Variants in MAPRE2 observed in about 807,000 individuals in gnomAD.
The protein encoded by MAPRE2 is microtubule associated protein RP/EB family member 2, also known as microtubule-associated protein RP/EB family member 2.
In MAPRE2, 13 loss-of-function variants were observed where a neutral mutation model predicts 43.2. The ratio of observed to expected loss-of-function variants is 0.30; its 90% CI spans 0.20 to 0.48. The LOEUF (loss-of-function observed/expected upper bound fraction) is 0.48, where lower values mean the gene tolerates loss of function less well. Ranked by LOEUF, MAPRE2 falls within the 20% of genes least tolerant of loss-of-function variation. The probability of loss-of-function intolerance (pLI) is 0.99; values close to 1 mark genes in which losing one functional copy is unlikely to be tolerated. For missense variants in MAPRE2, 161 were observed against 400.2 expected, an observed-to-expected ratio of 0.40 and a Z score of 5.10; for synonymous variants, 135 against 148.8, an observed-to-expected ratio of 0.91 and a Z score of 0.68.
chr18:35,069,585 A>G (rs1907007653), intron 1 of MAPRE2, among the ~76,000 whole-genome samples: 1 of 152,148 alleles, frequency 6.6e-6, no homozygotes, highest in East Asian at 1.9e-4. Flanking sequence ...CTGGTTTGTT[A>G]TTCTCTTCTC....
At chr18:34,988,401 C>T (rs1029210622) in intron 1 of MAPRE2, among the ~76,000 whole-genome samples, 1 of 152,154 alleles carries the variant, frequency 6.6e-6, no homozygotes, top group Non-Finnish European at 1.5e-5. Flanking sequence ...GGTTCTGCTG[C>T]TAACTGGGTG....
At chr18:35,031,100 G>A (rs1358220443) in intron 2 of MAPRE2, among the ~76,000 whole-genome samples, 4 of 152,092 alleles carry the variant, frequency 2.6e-5, no homozygotes, top group African/African-American at 9.7e-5. Context: ...TGTCTCTATA[G>A]CATTTGCCAC....
intron 2 of MAPRE2, among the ~76,000 whole-genome samples, chr18:35,084,275 A>G (rs1907769927): frequency 6.6e-6 from 1 of 151,972 alleles, no homozygotes; most frequent in Non-Finnish European, 1.5e-5. Context: ...CTCCATCTCA[A>G]AAAAAAATAA....
At chr18:34,991,427 T>C (rs1337958195) in intron 1 of MAPRE2, among the ~76,000 whole-genome samples, 2 of 152,188 alleles carry the variant, frequency 1.3e-5, no homozygotes, top group East Asian at 3.8e-4. Context: ...CCTACAGAAC[T>C]ATTATTTGCC....
chr18:35,105,593 T>C (rs1455730426), intron 4 of MAPRE2, among the ~76,000 whole-genome samples: 1 of 152,114 alleles, frequency 6.6e-6, no homozygotes, highest in Non-Finnish European at 1.5e-5. Flanking sequence ...TGCTATAAAA[T>C]GTATGCACCT....
chr18:35,110,650 G>T (rs769843909), intron 4 of MAPRE2, among the ~76,000 whole-genome samples: 1 of 152,068 alleles, frequency 6.6e-6, no homozygotes, highest in Non-Finnish European at 1.5e-5. Context: ...AATTATTTTA[G>T]ATTTTCTTTT....
intron 1 of MAPRE2, 121 bp downstream of exon 1, chr18:35,041,782 G>T: frequency 6.5e-7 from 1 of 1,535,836 alleles, no homozygotes. Flanking sequence ...CATTTGTGAA[G>T]GCGGTTGTGA....
intron 1 of MAPRE2, among the ~76,000 whole-genome samples, chr18:34,977,356 G>A (rs149567103): frequency 7.4e-4 from 112 of 152,342 alleles, no homozygotes; most frequent in Admixed American, 2.7e-3. Context: ...GAAAGTGGAG[G>A]GAGGGAGTTG....
chr18:34,978,910 G>A (rs934905817), intron 1 of MAPRE2, among the ~76,000 whole-genome samples: 1 of 152,164 alleles, frequency 6.6e-6, no homozygotes, highest in African/African-American at 2.4e-5. Flanking sequence ...AAATCAGGTT[G>A]TTTGGGAGTG....
chr18:35,101,637 A>C (rs1237641145), intron 3 of MAPRE2, among the ~76,000 whole-genome samples: 1 of 152,110 alleles, frequency 6.6e-6, no homozygotes. Flanking sequence ...AAAATGTGTG[A>C]TGTTTGTATT....
intron 2 of MAPRE2, among the ~76,000 whole-genome samples, chr18:35,030,538 T>C (rs901963107): frequency 8.6e-5 from 12 of 140,088 alleles, no homozygotes; most frequent in African/African-American, 3.2e-4. Context: ...CCTGTGACAA[T>C]TGGGACTTAG....
chr18:34,988,595 C>T (rs1020239414), intron 1 of MAPRE2: 11 of 152,142 alleles, frequency 7.2e-5, no homozygotes, highest in African/African-American at 2.4e-4. Flanking sequence ...TCATATAGGG[C>T]TGCAGTTGAC....
chr18:35,095,776 T>C (rs1908389037), intron 2 of MAPRE2, among the ~76,000 whole-genome samples: 1 of 152,156 alleles, frequency 6.6e-6, no homozygotes, highest in Non-Finnish European at 1.5e-5. Context: ...AAGAAAGAAC[T>C]GGATAGTGGG....
intron 3 of MAPRE2, among the ~76,000 whole-genome samples, chr18:35,101,081 A>G (rs1005466963): frequency 6.0e-4 from 91 of 152,220 alleles, no homozygotes; most frequent in Non-Finnish European, 3.4e-4. Flanking sequence ...CAGTCTTGAA[A>G]TAGCACAACA....
At chr18:35,112,445 A>G (rs1190301014) in intron 4 of MAPRE2, among the ~76,000 whole-genome samples, 1 of 152,140 alleles carries the variant, frequency 6.6e-6, no homozygotes, top group Non-Finnish European at 1.5e-5. Flanking sequence ...TGCTGGGATT[A>G]CAGGCGTGAG....
Position 35,132,037 on chromosome 18 carries a change from T to C in MAPRE2, c.756T>C (p.His252=), listed in dbSNP as rs1910176053. 6.8e-6 allele frequency: 11 copies of C among 1,614,098 alleles called. No individual in the cohort carries two copies. In the East Asian group the frequency reaches 2.5e-4, roughly 36 times the overall value. The change falls in exon 6 of 7, where the codon CAT becomes CAC. Residue 252 remains histidine, a synonymous_variant. Coordinates refer to ENST00000300249, the MANE Select transcript of MAPRE2 (RefSeq NM_014268.4). The stretch of plus-strand genomic sequence containing the variant: ...TCACTCTCACTCCCTTGCAGGTACA[T>C]TCATTAAAACTTGCCCTTGAAGGCG... The part of the protein sequence containing the change: ...TQVIQLNEQV[H]SLKLALEGVE...
chr18:35,030,018 C>T (rs553233488), intron 2 of MAPRE2, among the ~76,000 whole-genome samples: 9 of 152,316 alleles, frequency 5.9e-5, no homozygotes, highest in South Asian at 4.1e-4. Context: ...TGCTAGCTGA[C>T]GCTTACTGAG....
chr18:34,998,742 C>T (rs1033554516), intron 1 of MAPRE2, among the ~76,000 whole-genome samples: 1 of 141,798 alleles, frequency 7.1e-6, no homozygotes, highest in Non-Finnish European at 1.5e-5. Context: ...GGATTACAGG[C>T]GTGAGCCACT....
upstream of MAPRE2, among the ~76,000 whole-genome samples, chr18:35,037,091 A>G: frequency 6.6e-6 from 1 of 152,040 alleles, no homozygotes; most frequent in Admixed American, 6.5e-5. Flanking sequence ...CTTGTGTTGT[A>G]ATCATAATTG....
Sources: gnomAD v4.1 joint callset for allele counts (sites outside exome capture counted in the v4.1 genomes callset) on GRCh38, gnomAD v4.1.1 for gene constraint, MANE v1.5 for transcripts, NCBI Gene and HGNC (gene_info 2026-07-23, HGNC 2026-07-21) for gene names.